The following ZNF487 variants were observed in gnomAD, a reference collection of about 807,000 sequenced individuals.
ZNF487 encodes zinc finger protein 487.
Under a neutral mutation model 3.0 loss-of-function variants are expected in ZNF487, and 4 were observed. The observed-to-expected ratio is 1.35, with a 90% CI of 0.66 to 3.08. The LOEUF (loss-of-function observed/expected upper bound fraction) is 3.08. ZNF487 is among the 30% of genes most tolerant of loss of function. ZNF487 has a pLI of 0.01. For missense variants in ZNF487, 146 were observed against 98.7 expected (o/e 1.48, Z -2.03); for synonymous variants, 55 against 34.6 (o/e 1.59, Z -2.06).
intron 1 of ZNF487, among the ~76,000 whole-genome samples, chr10:43,470,748 G>C (rs1225950329): frequency 6.6e-6 from 1 of 152,126 alleles, no homozygotes; most frequent in Non-Finnish European, 1.5e-5. Flanking sequence ...GGAAGTCCTG[G>C]GCTCAAGCAA....
rs1298904078 is a variant in ZNF487, at chr10:43,458,222, T to C, written c.-93-17499T>C. ...ACAGCCTCAGGAGGTGCTGATGACATGCGCCAATGTGGGCAGAGCACACTT... is the reference window on the plus strand; with the variant it reads ...ACAGCCTCAGGAGGTGCTGATGACACGCGCCAATGTGGGCAGAGCACACTT... On this transcript the variant is annotated intron_variant, in intron 1 of 3. Transcript: ENST00000437590. 5 of 152,152 alleles carry C rather than the reference T, an allele frequency of 3.3e-5. No individual in the cohort carries two copies. In the East Asian group the frequency reaches 9.6e-4, roughly 29 times the overall value. The allele number at this position is 152,152 out of a possible 1,614,324, so 9.4% of individuals were successfully genotyped here.
chr10:43,507,792 C>A, the ZNF487 span, among the ~76,000 whole-genome samples: 1 of 152,220 alleles, frequency 6.6e-6, no homozygotes, highest in African/African-American at 2.4e-5. Context: ...GGGCAGCTGC[C>A]TACAAGGTGG....
At chr10:43,512,185 C>G in the ZNF487 span, among the ~76,000 whole-genome samples, 1 of 152,180 alleles carries the variant, frequency 6.6e-6, no homozygotes, top group Non-Finnish European at 1.5e-5. Flanking sequence ...ATCTGTGAAC[C>G]AGGCCCTAGT....
chr10:43,504,590 C>T, the ZNF487 span, among the ~76,000 whole-genome samples: 8 of 151,808 alleles, frequency 5.3e-5, no homozygotes, highest in Admixed American at 2.0e-4. Flanking sequence ...CCACCATGCC[C>T]GGCACATGTT....
At chr10:43,448,375 T>C (rs1839889801) in intron 1 of ZNF487, among the ~76,000 whole-genome samples, 1 of 152,172 alleles carries the variant, frequency 6.6e-6, no homozygotes, top group Non-Finnish European at 1.5e-5. Flanking sequence ...CAATTCGTCT[T>C]GCGCTGAAGT....
intron 1 of ZNF487, among the ~76,000 whole-genome samples, chr10:43,451,236 A>G (rs183794610): frequency 2.0e-5 from 3 of 148,306 alleles, no homozygotes; most frequent in Admixed American, 2.0e-4. Flanking sequence ...GTGAACCACC[A>G]TGGATGGCCT....
intron 1 of ZNF487, among the ~76,000 whole-genome samples, chr10:43,449,376 A>G (rs1420634563): frequency 1.3e-5 from 2 of 152,158 alleles, no homozygotes; most frequent in African/African-American, 4.8e-5. Flanking sequence ...ATTGACATAC[A>G]CAAGTCACAG....
intron 1 of ZNF487, among the ~76,000 whole-genome samples, chr10:43,464,201 T>C (rs1298817497): frequency 1.3e-5 from 2 of 151,188 alleles, no homozygotes; most frequent in African/African-American, 2.4e-5. Context: ...TTTTTTGTTT[T>C]GAGACAACGT....
downstream of ZNF487, among the ~76,000 whole-genome samples, chr10:43,484,756 GT>G (rs1378642122): frequency 6.6e-6 from 1 of 152,096 alleles, no homozygotes; most frequent in Non-Finnish European, 1.5e-5. Flanking sequence ...TCTGTGAATT[GT>G]TCAACAATAT....
chr10:43,464,382 A>T (rs541455869), intron 1 of ZNF487, among the ~76,000 whole-genome samples: 39 of 149,952 alleles, frequency 2.6e-4, no homozygotes, highest in South Asian at 8.4e-4. Context: ...TATTATTATT[A>T]TTTTTTTTTA....
intron 1 of ZNF487, among the ~76,000 whole-genome samples, chr10:43,456,468 A>G (rs1379064431): frequency 1.3e-5 from 2 of 152,194 alleles, no homozygotes; most frequent in Non-Finnish European, 2.9e-5. Context: ...GCTGTCAGAG[A>G]GGTGAGCTGG....
intron 1 of ZNF487, among the ~76,000 whole-genome samples, chr10:43,447,565 C>T (rs544547594): frequency 1.3e-5 from 2 of 152,264 alleles, no homozygotes; most frequent in African/African-American, 4.8e-5. Flanking sequence ...TTCTAATCTG[C>T]CTGGTGTAGG....
intron 1 of ZNF487, among the ~76,000 whole-genome samples, chr10:43,447,220 A>C (rs1056333699): frequency 6.7e-6 from 1 of 149,724 alleles, no homozygotes; most frequent in Non-Finnish European, 1.5e-5. Flanking sequence ...CGGGAGACGG[A>C]GACGACGGAG....
chr10:43,486,069 T>G (rs1359201390), downstream of ZNF487, among the ~76,000 whole-genome samples: 1 of 152,118 alleles, frequency 6.6e-6, no homozygotes, highest in African/African-American at 2.4e-5. Context: ...TATGTTATGT[T>G]CCAACATTAA....
the ZNF487 span, among the ~76,000 whole-genome samples, chr10:43,494,547 A>C: frequency 6.6e-6 from 1 of 150,980 alleles, no homozygotes; most frequent in African/African-American, 2.4e-5. Flanking sequence ...AAACCTGGAC[A>C]TCTAACTCTA....
In ZNF487 at chr10:43,483,154, C is replaced by T; in HGVS notation, c.*1232C>T. 2.3e-6 allele frequency: 1 copy of T among 443,762 alleles called. No homozygotes were observed. The highest frequency in any genetic ancestry group is 1.6e-5 in the South Asian group (1 of 62,290). 27.5% of individuals were successfully genotyped at this position (443,762 alleles called of 1,614,324 possible). Reference sequence around the variant, plus strand: ...ACAACCCAGGTTGGGGTGAGAACACCCAATAAAGATGAGAAATCTTTTGCC... The same window carrying T: ...ACAACCCAGGTTGGGGTGAGAACACTCAATAAAGATGAGAAATCTTTTGCC... On this transcript the variant is annotated 3_prime_UTR_variant, in exon 4 of 4. Transcript: ENST00000437590.
At chr10:43,459,756 T>C (rs1840352465) in intron 1 of ZNF487, among the ~76,000 whole-genome samples, 1 of 148,106 alleles carries the variant, frequency 6.8e-6, no homozygotes. Flanking sequence ...GCCGTGTTGC[T>C]CAGGCTGTGA....
At chr10:43,461,467 G>A (rs1354269680) in intron 1 of ZNF487, among the ~76,000 whole-genome samples, 3 of 152,032 alleles carry the variant, frequency 2.0e-5, no homozygotes, top group Non-Finnish European at 2.9e-5. Flanking sequence ...CTACAGGCAT[G>A]TACCATAATG....
chr10:43,505,864 A>G, the ZNF487 span, among the ~76,000 whole-genome samples: 1 of 151,806 alleles, frequency 6.6e-6, no homozygotes, highest in Non-Finnish European at 1.5e-5. Context: ...GCTGGTCTTG[A>G]ACTTCTGATC....
Sources: gnomAD v4.1 joint callset for allele counts (sites outside exome capture counted in the v4.1 genomes callset) on GRCh38, gnomAD v4.1.1 for gene constraint, MANE v1.5 for transcripts, NCBI Gene and HGNC (gene_info 2026-07-23, HGNC 2026-07-21) for gene names.